ULK4: variants seen among roughly 807,000 people sequenced by gnomAD.
ULK4 encodes inactive serine/threonine-protein kinase ULK4.
ULK4 carries 133 observed loss-of-function variants against 160.6 expected under a neutral mutation model. The ratio of observed to expected loss-of-function variants is 0.83; its 90% CI spans 0.72 to 0.96. The LOEUF (loss-of-function observed/expected upper bound fraction) is 0.96, where lower values mean the gene tolerates loss of function less well. Ranked by LOEUF, ULK4 falls within the 40% of genes least tolerant of loss-of-function variation. ULK4 has a pLI of 0.00. For synonymous variants in ULK4, 534 were observed against 539.8 expected, an observed-to-expected ratio of 0.99 and a Z score of 0.15; for missense variants, 1,580 against 1,499.5, an observed-to-expected ratio of 1.05 and a Z score of -0.89.
intron 32 of ULK4, among the ~76,000 whole-genome samples, chr3:41,540,725 C>G (rs2086666754): frequency 6.6e-6 from 1 of 152,202 alleles, no homozygotes; most frequent in South Asian, 2.1e-4. Flanking sequence ...TTAATGATCA[C>G]CATTCTAACT....
intron 17 of ULK4, among the ~76,000 whole-genome samples, chr3:41,875,708 G>C (rs1697271031): frequency 7.0e-6 from 1 of 143,562 alleles, no homozygotes; most frequent in South Asian, 2.2e-4. Flanking sequence ...AACATTTCCT[G>C]AATGTTTTTT....
chr3:41,514,822 T>G (rs1340346808), intron 32 of ULK4, among the ~76,000 whole-genome samples: 1 of 152,124 alleles, frequency 6.6e-6, no homozygotes, highest in African/African-American at 2.4e-5. Flanking sequence ...ACGGGTGCAA[T>G]GTATGCTATT....
chr3:41,665,157 A>G (rs546023305), intron 29 of ULK4, among the ~76,000 whole-genome samples: 1 of 152,352 alleles, frequency 6.6e-6, no homozygotes, highest in East Asian at 1.9e-4. Context: ...CCTTTCATCT[A>G]GAGAATAGGG....
At chr3:41,954,885 A>C in intron 1 of ULK4, 78 bp from the exon 2 acceptor site, 2 of 885,920 alleles carry the variant, frequency 2.3e-6, no homozygotes, top group Non-Finnish European at 3.3e-6. Flanking sequence ...TTAGCCTAGG[A>C]TATTATATGT....
intron 34 of ULK4, among the ~76,000 whole-genome samples, chr3:41,424,505 A>G (rs1311815922): frequency 1.3e-5 from 2 of 152,120 alleles, no homozygotes; most frequent in Non-Finnish European, 2.9e-5. Flanking sequence ...CACCTTATAC[A>G]AGAGCATTCC....
chr3:41,391,912 G>A (rs1354188997), intron 35 of ULK4, among the ~76,000 whole-genome samples: 1 of 152,076 alleles, frequency 6.6e-6, no homozygotes, highest in African/African-American at 2.4e-5. Context: ...GTGAGAAGGT[G>A]ACAGGGAGTT....
intron 27 of ULK4, among the ~76,000 whole-genome samples, chr3:41,696,523 C>T (rs2036507772): frequency 6.6e-6 from 1 of 152,078 alleles, no homozygotes; most frequent in Non-Finnish European, 1.5e-5. Flanking sequence ...CACAGCCAGA[C>T]ATTCGGGGCC....
chr3:41,788,197 G>T (rs2125590606), intron 21 of ULK4, among the ~76,000 whole-genome samples: 1 of 152,278 alleles, frequency 6.6e-6, no homozygotes, highest in East Asian at 1.9e-4. Flanking sequence ...GACTTCCAAA[G>T]ATTAAGTTTA....
intron 30 of ULK4, among the ~76,000 whole-genome samples, chr3:41,641,576 T>A (rs774314412): frequency 1.3e-5 from 2 of 152,046 alleles, no homozygotes; most frequent in Non-Finnish European, 2.9e-5. Flanking sequence ...AATGTGTCTG[T>A]AGTCACAGCT....
intron 18 of ULK4, among the ~76,000 whole-genome samples, chr3:41,825,582 T>C (rs944413648): frequency 6.6e-6 from 1 of 152,020 alleles, no homozygotes; most frequent in Non-Finnish European, 1.5e-5. Flanking sequence ...ATCAAATGAA[T>C]GAAATGAAGC....
At position 41,297,905 on chromosome 3, in the gene ULK4, CT is replaced by C; in HGVS notation, c.3679-48332del. ...GTATCCAAGGTCACAAAGGATGATGCTTTCCTGGCAATGTTACACACTTTTA... is the reference window on the plus strand; with the variant it reads ...GTATCCAAGGTCACAAAGGATGATGCTTCCTGGCAATGTTACACACTTTTA... On this transcript the variant is annotated intron_variant, in intron 35 of 36. Transcript: ENST00000301831. Among the ~76,000 whole-genome samples the C allele has an allele frequency of 2.0e-5, 3 of 152,314 alleles. No homozygotes were observed. In the East Asian group the frequency reaches 5.8e-4, roughly 29 times the overall value.
chr3:41,465,122 C>T (rs977662019), intron 32 of ULK4, among the ~76,000 whole-genome samples: 3 of 152,116 alleles, frequency 2.0e-5, no homozygotes, highest in African/African-American at 7.2e-5. Context: ...CCAGCAAAAC[C>T]CATTAATATG....
intron 35 of ULK4, among the ~76,000 whole-genome samples, chr3:41,324,749 C>T (rs1163276278): frequency 6.6e-6 from 1 of 152,178 alleles, no homozygotes; most frequent in Non-Finnish European, 1.5e-5. Flanking sequence ...TCTGGGCCTC[C>T]ACCTGCCAGC....
At chr3:41,457,360 C>CT (rs2083578193) in intron 33 of ULK4, among the ~76,000 whole-genome samples, 1 of 152,184 alleles carries the variant, frequency 6.6e-6, no homozygotes, top group South Asian at 2.1e-4. Flanking sequence ...TCTGCATAGT[C>CT]ATACGTCATA....
intron 21 of ULK4, among the ~76,000 whole-genome samples, chr3:41,770,674 C>T (rs200313419): frequency 3.9e-4 from 59 of 151,964 alleles, no homozygotes; most frequent in Non-Finnish European, 7.2e-4. Context: ...CCACGACAGG[C>T]TAATTTTTTT....
intron 22 of ULK4, among the ~76,000 whole-genome samples, chr3:41,753,921 T>C (rs1025260999): frequency 3.3e-5 from 5 of 152,114 alleles, no homozygotes; most frequent in African/African-American, 1.2e-4. Flanking sequence ...ACAGACTCCT[T>C]CTTCACAGCC....
At chr3:41,702,374 A>T (rs1340005397) in intron 27 of ULK4, among the ~76,000 whole-genome samples, 1 of 152,010 alleles carries the variant, frequency 6.6e-6, no homozygotes, top group African/African-American at 2.4e-5. Context: ...TGAACTCCCA[A>T]CCTCATGTGA....
chr3:41,776,591 G>A lies in ULK4; in HGVS notation c.2193+13070C>T, dbSNP rs192203273. Among the ~76,000 whole-genome samples the A allele has an allele frequency of 6.9e-5, 8 of 115,400 alleles. 2 individuals are homozygous for A. The highest frequency in any genetic ancestry group is 2.6e-4 in the South Asian group (1 of 3,806). 75.7% of individuals were successfully genotyped at this position (115,400 alleles called of 152,430 possible). A position where few individuals can be genotyped will look rare whatever the true frequency, so the allele number is the denominator to read the frequency against. On this transcript the variant is annotated intron_variant, in intron 21 of 36. Transcript: ENST00000301831. ...TTTAAAAAGGTACAAAATGAAATAC[G>A]TCCCATCAATACCTAATTTATTGAA...
intron 32 of ULK4, among the ~76,000 whole-genome samples, chr3:41,487,305 T>C (rs1004073262): frequency 4.6e-5 from 7 of 152,120 alleles, no homozygotes; most frequent in African/African-American, 1.7e-4. Context: ...GTGATCAAAA[T>C]CTTATTGGGA....
Sources: gnomAD v4.1 joint callset for allele counts (sites outside exome capture counted in the v4.1 genomes callset) on GRCh38, gnomAD v4.1.1 for gene constraint, MANE v1.5 for transcripts, NCBI Gene and HGNC (gene_info 2026-07-23, HGNC 2026-07-21) for gene names.